Variants in RGS17 observed in about 807,000 individuals in gnomAD.
The protein encoded by RGS17 is regulator of G protein signaling 17, also known as regulator of G-protein signaling 17.
Under a neutral mutation model 25.5 loss-of-function variants are expected in RGS17, and 12 were observed. The observed-to-expected ratio is 0.47, with a 90% confidence interval of 0.30 to 0.76. The LOEUF is 0.76. Among genes scored for constraint, RGS17 ranks in the 30% least tolerant of loss-of-function variants. The pLI is 0.07. For synonymous variants in RGS17, 71 were observed against 76.9 expected, an observed-to-expected ratio of 0.92 and a Z score of 0.40; for missense variants, 196 against 242.2, an observed-to-expected ratio of 0.81 and a Z score of 1.27.
chr6:153,079,082 AT>A (rs112637774), intron 1 of RGS17, among the ~76,000 whole-genome samples: 77,024 of 147,704 alleles, frequency 0.52, 20,136 homozygotes, highest in Non-Finnish European at 0.56. Context: ...GAAGTGATAA[AT>A]TTTTTTTTTT....
At chr6:153,114,852 A>G (rs1443321269) in intron 1 of RGS17, among the ~76,000 whole-genome samples, 1 of 152,242 alleles carries the variant, frequency 6.6e-6, no homozygotes, top group Non-Finnish European at 1.5e-5. Flanking sequence ...CAATTGATGC[A>G]GAAAAGGCCT....
intron 1 of RGS17, among the ~76,000 whole-genome samples, chr6:153,091,081 A>G (rs1334559865): frequency 1.3e-5 from 2 of 152,226 alleles, no homozygotes; most frequent in Non-Finnish European, 2.9e-5. Flanking sequence ...ATTTATATAT[A>G]TTTTAAAGAA....
intron 1 of RGS17, among the ~76,000 whole-genome samples, chr6:153,046,722 A>G (rs1026891766): frequency 1.3e-5 from 2 of 152,020 alleles, no homozygotes; most frequent in African/African-American, 4.8e-5. Flanking sequence ...GAATTGAGAT[A>G]AGCAGACCAG....
intron 1 of RGS17, among the ~76,000 whole-genome samples, chr6:153,077,806 C>T (rs1354875252): frequency 1.3e-5 from 2 of 152,022 alleles, no homozygotes; most frequent in African/African-American, 4.8e-5. Flanking sequence ...TCTTCCAAGA[C>T]ATACTGACCA....
At chr6:153,075,312 T>C (rs1198134147) in intron 1 of RGS17, among the ~76,000 whole-genome samples, 1 of 152,144 alleles carries the variant, frequency 6.6e-6, no homozygotes, top group African/African-American at 2.4e-5. Context: ...GAATTGTAAA[T>C]AAATTATAAG....
chr6:153,085,016 T>C (rs1374759107), intron 1 of RGS17, among the ~76,000 whole-genome samples: 3 of 152,242 alleles, frequency 2.0e-5, no homozygotes, highest in Non-Finnish European at 4.4e-5. Flanking sequence ...GTACAAGTCA[T>C]AGTTTCAGAA....
chr6:153,044,080 A>C (rs894845887), intron 1 of RGS17, 37 bp from the exon 2 acceptor site: 1 of 986,078 alleles, frequency 1.0e-6, no homozygotes, highest in Non-Finnish European at 1.6e-6. Flanking sequence ...GTATGAAAAA[A>C]GCAATAAGGA....
At chr6:153,085,394 G>C (rs1469041710) in intron 1 of RGS17, among the ~76,000 whole-genome samples, 1 of 152,166 alleles carries the variant, frequency 6.6e-6, no homozygotes, top group African/African-American at 2.4e-5. Context: ...CACTGGAAAT[G>C]AGCAGCTGGG....
chr6:153,082,246 T>C (rs1321480041), intron 1 of RGS17, among the ~76,000 whole-genome samples: 1 of 152,198 alleles, frequency 6.6e-6, no homozygotes, highest in Non-Finnish European at 1.5e-5. Flanking sequence ...GAACTGTGAC[T>C]TTACAGAATT....
At chr6:153,081,400 T>C (rs1776978063) in intron 1 of RGS17, among the ~76,000 whole-genome samples, 2 of 152,164 alleles carry the variant, frequency 1.3e-5, no homozygotes, top group African/African-American at 2.4e-5. Context: ...AGATTTCTTA[T>C]GGTTACTGAC....
intron 1 of RGS17, among the ~76,000 whole-genome samples, chr6:153,117,426 G>T (rs1777561643): frequency 6.6e-6 from 1 of 152,118 alleles, no homozygotes; most frequent in Non-Finnish European, 1.5e-5. Flanking sequence ...TTTGGGTGGG[G>T]ACACAAAGCC....
At position 153,011,668 on chromosome 6, in the gene RGS17, G is replaced by T; in HGVS notation, c.539C>A (p.Thr180Asn). 1 of 1,611,844 alleles carries T rather than the reference G, an allele frequency of 6.2e-7. No homozygotes were observed. Among genetic ancestry groups the T allele is most frequent in the Non-Finnish European group, 8.5e-7 (1 of 1,178,086 alleles). The change falls in exon 5 of 5, where the codon ACT (threonine) becomes AAT (asparagine). Residue 180 changes from threonine to asparagine, a missense_variant. This residue lies in a region of RGS17 where 179 missense variants were observed against 197.6 expected (regional missense o/e 0.91). Coordinates refer to ENST00000206262, the MANE Select transcript of RGS17 (RefSeq NM_012419.5). ...TGGAAAAGAATCTCTGTGCATTAAA[G>T]TATATATCTGAAGTTGGGCATCTTC... ...MYEDAQLQIY[T>N]LMHRDSFPRF...
At chr6:153,045,313 T>G (rs1381404118) in intron 1 of RGS17, among the ~76,000 whole-genome samples, 4 of 152,198 alleles carry the variant, frequency 2.6e-5, no homozygotes, top group Non-Finnish European at 5.9e-5. Flanking sequence ...GGGAGTCTGA[T>G]TCCAGGTTGC....
At chr6:153,033,718 A>AAAAT (rs1232658075) in intron 2 of RGS17, among the ~76,000 whole-genome samples, 19 of 152,074 alleles carry the variant, frequency 1.2e-4, no homozygotes, top group Non-Finnish European at 1.8e-4. Context: ...ACTTCATCTC[A>AAAAT]AAATAAATAA....
intron 2 of RGS17, among the ~76,000 whole-genome samples, chr6:153,035,267 A>G (rs1776224945): frequency 1.3e-5 from 2 of 152,216 alleles, no homozygotes; most frequent in South Asian, 2.1e-4. Flanking sequence ...GTAACATATT[A>G]ATGTCTGAAA....
intron 1 of RGS17, among the ~76,000 whole-genome samples, chr6:153,066,896 G>A (rs1017252843): frequency 3.3e-5 from 5 of 151,538 alleles, no homozygotes; most frequent in Non-Finnish European, 7.4e-5. Flanking sequence ...AAAAATTAGC[G>A]GGGCGTGGTG....
Position 153,011,602 on chromosome 6 carries a change from C to G in RGS17, c.605G>C (p.Ser202Thr), listed in dbSNP as rs761722561. Residue 202 changes from serine (S) to threonine (T), a missense_variant, in exon 5 of 5, where the codon AGT becomes ACT. Physicochemically the swap from Ser to Thr is moderately conservative, Grantham distance 58. Around this residue, in one of 2 missense-constraint regions of RGS17, gnomAD observed 179 missense variants for 197.6 expected, o/e 0.91. Transcript: ENST00000206262. ...NSQIYKSFVE[S>T]TAGSSSES ...AGATTCAGAAGAAGAGCCAGCAGTA[C>G]TTTCAACAAATGACTTATAAATTTG... The G allele has an allele frequency of 1.2e-6, 2 of 1,610,172 alleles. No homozygotes were observed. Among genetic ancestry groups the G allele is most frequent in the Non-Finnish European group, 1.7e-6 (2 of 1,177,718 alleles).
intron 1 of RGS17, among the ~76,000 whole-genome samples, chr6:153,056,838 CTGTGTGTGTG>C (rs59058708): frequency 0.079 from 11,418 of 144,428 alleles, 466 homozygotes; most frequent in Admixed American, 0.14. Flanking sequence ...AGAGGAAGGG[CTGTGTGTGTG>C]TGTGTGTGTG....
Position 153,123,740 on chromosome 6 carries a change from G to A in RGS17, c.-26+7384C>T, listed in dbSNP as rs941384028. ...AAATTCTAAAATATTGCTAGTGCATGGGAAATGTGGACCCGGAAGAAGGGC... is the reference window on the plus strand; with the variant it reads ...AAATTCTAAAATATTGCTAGTGCATAGGAAATGTGGACCCGGAAGAAGGGC... On this transcript the variant is annotated intron_variant, in intron 1 of 4. Transcript: ENST00000206262. Among the ~76,000 whole-genome samples the A allele has an allele frequency of 6.6e-5, 10 of 152,182 alleles. No individual in the cohort carries two copies. The East Asian group carries it at 1.7e-3, about 26-fold the overall frequency.
Sources: allele counts gnomAD v4.1 joint callset (sites outside exome capture counted in the v4.1 genomes callset), GRCh38; gene constraint gnomAD v4.1.1; regional missense constraint gnomAD v4.1.1; transcripts MANE v1.5; gene names NCBI Gene and HGNC (gene_info 2026-07-23, HGNC 2026-07-21).